DIAPH2: variants seen among roughly 807,000 people sequenced by gnomAD.
DIAPH2 encodes the protein protein diaphanous homolog 2.
In DIAPH2, 35 loss-of-function variants were observed where a neutral mutation model predicts 92.7. The ratio of observed to expected loss-of-function variants is 0.38; its 90% CI spans 0.29 to 0.50. The LOEUF is 0.50. DIAPH2 is among the 20% of genes least tolerant of loss of function. The probability of loss-of-function intolerance (pLI) is 0.94; values close to 1 mark genes in which losing one functional copy is unlikely to be tolerated. For missense variants in DIAPH2, 701 were observed against 819.5 expected, an observed-to-expected ratio of 0.86 and a Z score of 1.77; for synonymous variants, 301 against 280.4, an observed-to-expected ratio of 1.07 and a Z score of -0.73.
intron 17 of DIAPH2, among the ~76,000 whole-genome samples, chrX:97,048,774 A>G (rs1355484708): frequency 9.0e-6 from 1 of 111,252 alleles, no homozygotes; most frequent in African/African-American, 3.3e-5. Context: ...TATTATTAGT[A>G]TGAACTTATA....
chrX:97,161,921 T>C (rs1403184357), intron 22 of DIAPH2, among the ~76,000 whole-genome samples: 1 of 111,744 alleles, frequency 8.9e-6, no homozygotes. Context: ...TCTGTAACAT[T>C]ATAGTCTCTT....
chrX:97,459,832 C>T (rs1333979237), intron 26 of DIAPH2, among the ~76,000 whole-genome samples: 2 of 111,777 alleles, frequency 1.8e-5, no homozygotes, highest in African/African-American at 6.5e-5. Flanking sequence ...GCTAAGCTCT[C>T]TGGGTTCAAA....
intron 26 of DIAPH2, among the ~76,000 whole-genome samples, chrX:97,434,051 G>C (rs2070155116): frequency 9.0e-6 from 1 of 111,725 alleles, no homozygotes; most frequent in Admixed American, 9.5e-5. Context: ...AGGCAAGAAA[G>C]TTCAAAGCAT....
intron 16 of DIAPH2, 63 bp from the exon 17 acceptor site, chrX:96,965,030 T>C: frequency 2.8e-6 from 3 of 1,086,233 alleles, no homozygotes; most frequent in Non-Finnish European, 3.6e-6. Context: ...TGAAAGTTAG[T>C]TCCTTGAAAA....
intron 26 of DIAPH2, among the ~76,000 whole-genome samples, chrX:97,559,629 T>A (rs1158948093): frequency 8.9e-6 from 1 of 112,418 alleles, no homozygotes; most frequent in African/African-American, 3.2e-5. Context: ...TACATGTCTA[T>A]TTTATGTGTT....
At chrX:97,301,980 C>T (rs1421513439) in intron 23 of DIAPH2, among the ~76,000 whole-genome samples, 4 of 109,913 alleles carry the variant, frequency 3.6e-5, no homozygotes, top group East Asian at 2.8e-4. Flanking sequence ...TTTGGGAGGC[C>T]GAGGCGGGCA....
At chrX:97,333,659 G>C (rs1482575594) in intron 23 of DIAPH2, among the ~76,000 whole-genome samples, 1 of 109,654 alleles carries the variant, frequency 9.1e-6, no homozygotes, top group Non-Finnish European at 1.9e-5. Context: ...CCGCCTCCCA[G>C]GTTCAAGCGA....
intron 17 of DIAPH2, among the ~76,000 whole-genome samples, chrX:97,002,365 C>G (rs952535770): frequency 1.7e-4 from 19 of 110,705 alleles, no homozygotes; most frequent in Non-Finnish European, 1.9e-5. Flanking sequence ...CACGTATGAT[C>G]AAACTATCTG....
intron 22 of DIAPH2, among the ~76,000 whole-genome samples, chrX:97,174,757 G>A (rs1307095254): frequency 9.0e-6 from 1 of 111,657 alleles, no homozygotes; most frequent in African/African-American, 3.2e-5. Flanking sequence ...TTCCATTGTG[G>A]TGTTTTAATT....
intron 13 of DIAPH2, 97 bp from the exon 14 acceptor site, chrX:96,945,430 A>T: frequency 3.6e-6 from 2 of 552,109 alleles, no homozygotes; most frequent in Non-Finnish European, 3.0e-6. Flanking sequence ...TTGACATAAA[A>T]ATGATAGTCT....
At chrX:97,398,741 ATTT>A (rs1402119361) in intron 25 of DIAPH2, among the ~76,000 whole-genome samples, 1 of 95,932 alleles carries the variant, frequency 1.0e-5, no homozygotes. Flanking sequence ...GAAGGATGTG[ATTT>A]TTTTTTTTTT....
intron 17 of DIAPH2, among the ~76,000 whole-genome samples, chrX:96,975,848 C>T (rs959893042): frequency 9.0e-6 from 1 of 111,359 alleles, no homozygotes; most frequent in African/African-American, 3.3e-5. Context: ...GAAGGCTCTG[C>T]CCTCGTGACA....
intron 4 of DIAPH2, among the ~76,000 whole-genome samples, chrX:96,859,974 A>G (rs2065063881): frequency 8.9e-6 from 1 of 112,188 alleles, no homozygotes; most frequent in Non-Finnish European, 1.9e-5. Flanking sequence ...TATTATAAAT[A>G]TGAACTATGT....
chrX:97,233,317 A>G (rs939474745), intron 22 of DIAPH2, among the ~76,000 whole-genome samples: 4 of 112,624 alleles, frequency 3.6e-5, no homozygotes, highest in Non-Finnish European at 5.6e-5. Flanking sequence ...TCATAACTTC[A>G]AATATTGTCT....
At chrX:97,452,360 T>A (rs970587974) in intron 26 of DIAPH2, among the ~76,000 whole-genome samples, 1 of 111,683 alleles carries the variant, frequency 9.0e-6, no homozygotes, top group African/African-American at 3.2e-5. Flanking sequence ...CATTAATATT[T>A]TAGTGTTTCA....
intron 23 of DIAPH2, among the ~76,000 whole-genome samples, chrX:97,303,078 A>G (rs2068720271): frequency 9.0e-6 from 1 of 111,334 alleles, no homozygotes; most frequent in African/African-American, 3.3e-5. Flanking sequence ...TGCTTTTGAC[A>G]CTCTTCATGC....
Position 97,133,290 on chromosome X carries a change from C to CT in DIAPH2, c.2590-8365dup, listed in dbSNP as rs1240595970. On this transcript the variant is annotated intron_variant, in intron 21 of 26. Coordinates refer to ENST00000324765, the MANE Select transcript of DIAPH2 (RefSeq NM_006729.5). ...CTAACTGTTTTGTTTTTTCTTTTTT[C>CT]TTTTTTTTTTCTTTGAGACGGAGTT... is the stretch of plus-strand genomic sequence containing the variant. 3.8e-3 allele frequency among the ~76,000 whole-genome samples: 414 copies of CT among 107,825 alleles called. 2 individuals carry two copies. The highest frequency in any genetic ancestry group is 0.012 in the African/African-American group (372 of 29,821). 93.6% of individuals were successfully genotyped at this position (107,825 alleles called of 115,157 possible). A position where few individuals can be genotyped will look rare whatever the true frequency, so the allele number is the denominator to read the frequency against.
At chrX:97,246,721 T>G (rs1481762642) in intron 22 of DIAPH2, among the ~76,000 whole-genome samples, 2 of 112,258 alleles carry the variant, frequency 1.8e-5, no homozygotes, top group Admixed American at 1.9e-4. Flanking sequence ...TGCTTAAAAA[T>G]AAGAAAGAAT....
intron 26 of DIAPH2, among the ~76,000 whole-genome samples, chrX:97,508,828 T>C (rs150549654): frequency 3.1e-3 from 344 of 110,969 alleles, no homozygotes; most frequent in African/African-American, 0.011. Flanking sequence ...AGGACTTCTT[T>C]TTCTACAAAG....
Sources: gnomAD v4.1 joint callset for allele counts (sites outside exome capture counted in the v4.1 genomes callset) on GRCh38, gnomAD v4.1.1 for gene constraint, MANE v1.5 for transcripts, NCBI Gene and HGNC (gene_info 2026-07-23, HGNC 2026-07-21) for gene names.